EXOC2: variants seen among roughly 807,000 people sequenced by gnomAD.
The protein encoded by EXOC2 is exocyst complex component 2.
A neutral mutation model predicts 131.8 loss-of-function variants in EXOC2; 70 were observed. That is an observed-to-expected ratio of 0.53 (90% CI 0.44 to 0.65). The LOEUF (loss-of-function observed/expected upper bound fraction) is 0.65, where lower values mean the gene tolerates loss of function less well. EXOC2 is among the 30% of genes least tolerant of loss of function. The pLI, the probability that EXOC2 is intolerant of heterozygous loss-of-function variation, is 0.00. For missense variants in EXOC2, 923 were observed against 1,108.6 expected (o/e 0.83, Z 2.38); for synonymous variants, 411 against 398.4 (o/e 1.03, Z -0.38).
intron 11 of EXOC2, among the ~76,000 whole-genome samples, chr6:578,317 G>A (rs140835172): frequency 1.3e-4 from 20 of 152,206 alleles, no homozygotes; most frequent in African/African-American, 4.6e-4. Flanking sequence ...GCTCCCTCCC[G>A]CATGTGAGGA....
intron 15 of EXOC2, 74 bp downstream of exon 15, chr6:564,471 G>T: frequency 1.3e-6 from 2 of 1,561,670 alleles, no homozygotes; most frequent in South Asian, 1.1e-5. Context: ...CTTCTTCACT[G>T]AATGTATTAA....
At chr6:674,467 G>A (rs1764018071) in intron 1 of EXOC2, among the ~76,000 whole-genome samples, 2 of 152,170 alleles carry the variant, frequency 1.3e-5, no homozygotes, top group South Asian at 4.1e-4. Context: ...ACTTCTCAAA[G>A]CCTTGCAGTA....
At chr6:539,416 C>A (rs1283310419) in intron 22 of EXOC2, among the ~76,000 whole-genome samples, 1 of 152,188 alleles carries the variant, frequency 6.6e-6, no homozygotes, top group Admixed American at 6.5e-5. Flanking sequence ...CCAGCCAGTG[C>A]TCCCAATAAG....
chr6:666,505 C>T lies in EXOC2; in HGVS notation c.-44+26514G>A, dbSNP rs1763650608. 2.1e-5 allele frequency among the ~76,000 whole-genome samples: 2 copies of T among 96,950 alleles called. 1 individual carries two copies. Among genetic ancestry groups the T allele is most frequent in the South Asian group, 6.6e-4 (2 of 3,030 alleles). 63.6% of individuals were successfully genotyped at this position (96,950 alleles called of 152,430 possible). A position where few individuals can be genotyped will look rare whatever the true frequency, so the allele number is the denominator to read the frequency against. ...TTATTTAGAATTGGGAAACTTGGTG[C>T]TTTACTGTTTTGTTTTGGCACTTTA... On this transcript the variant is annotated intron_variant, in intron 1 of 27. Coordinates refer to ENST00000230449, the MANE Select transcript of EXOC2 (RefSeq NM_018303.6).
At chr6:568,606 G>A (rs937480209) in intron 13 of EXOC2, among the ~76,000 whole-genome samples, 8 of 152,106 alleles carry the variant, frequency 5.3e-5, no homozygotes, top group South Asian at 2.1e-4. Context: ...ACCCTGATTC[G>A]TGGACGCTTG....
intron 1 of EXOC2, among the ~76,000 whole-genome samples, chr6:647,456 C>T (rs1345352831): frequency 6.7e-6 from 1 of 149,926 alleles, no homozygotes; most frequent in African/African-American, 2.5e-5. Flanking sequence ...CACCTGAAGA[C>T]ACTGTAACCT....
intron 17 of EXOC2, among the ~76,000 whole-genome samples, chr6:560,693 C>T (rs193066369): frequency 1.3e-5 from 2 of 151,496 alleles, no homozygotes; most frequent in African/African-American, 4.9e-5. Context: ...GAAACCCAAT[C>T]GATTAAAATT....
intron 7 of EXOC2, among the ~76,000 whole-genome samples, chr6:603,653 C>A (rs1760233506): frequency 6.6e-6 from 1 of 152,034 alleles, no homozygotes; most frequent in Non-Finnish European, 1.5e-5. Context: ...ATTTGCCAGC[C>A]AGCCACTGAG....
At chr6:679,109 C>G (rs1035553444) in intron 1 of EXOC2, 1 of 151,990 alleles carries the variant, frequency 6.6e-6, no homozygotes, top group South Asian at 2.1e-4. Flanking sequence ...CAACGGTGAA[C>G]ACACTAAGTT....
intron 22 of EXOC2, among the ~76,000 whole-genome samples, chr6:539,072 G>GA (rs11351666): frequency 3.5e-5 from 5 of 142,238 alleles, no homozygotes; most frequent in African/African-American, 5.2e-5. Flanking sequence ...TCTGTCTGAA[G>GA]AAAAAAAAAA....
intron 17 of EXOC2, among the ~76,000 whole-genome samples, chr6:561,270 C>T (rs998908734): frequency 4.6e-5 from 7 of 152,134 alleles, no homozygotes; most frequent in Non-Finnish European, 1.0e-4. Flanking sequence ...GTCTGCCCTT[C>T]ATGCCCCAGG....
chr6:545,076 A>G (rs952791957), intron 22 of EXOC2, among the ~76,000 whole-genome samples: 9 of 146,814 alleles, frequency 6.1e-5, no homozygotes, highest in African/African-American at 1.3e-4. Flanking sequence ...GAACCCGGGA[A>G]GCGGAGCTTG....
chr6:599,590 G>A (rs1458755432), intron 7 of EXOC2, among the ~76,000 whole-genome samples: 3 of 152,168 alleles, frequency 2.0e-5, no homozygotes, highest in South Asian at 4.1e-4. Context: ...ACGCATGTAT[G>A]TGCATACACG....
chr6:582,356 G>A (rs926976418), intron 11 of EXOC2, among the ~76,000 whole-genome samples: 1 of 152,098 alleles, frequency 6.6e-6, no homozygotes, highest in African/African-American at 2.4e-5. Flanking sequence ...CATCCTTCAT[G>A]CCTACTACAG....
At chr6:513,927 G>A (rs950312177) in intron 23 of EXOC2, among the ~76,000 whole-genome samples, 14 of 152,162 alleles carry the variant, frequency 9.2e-5, no homozygotes, top group Admixed American at 6.5e-4. Context: ...GCCACAAACT[G>A]AGCTTTTTAT....
intron 1 of EXOC2, among the ~76,000 whole-genome samples, chr6:641,509 A>T (rs1182364623): frequency 6.6e-6 from 1 of 152,190 alleles, no homozygotes; most frequent in Non-Finnish European, 1.5e-5. Flanking sequence ...TCCTGTGGAG[A>T]GGCGGGGCTG....
intron 1 of EXOC2, among the ~76,000 whole-genome samples, chr6:686,797 A>AAAGGT (rs1764675454): frequency 6.6e-6 from 1 of 152,222 alleles, no homozygotes; most frequent in Non-Finnish European, 1.5e-5. Context: ...CTGCAGGTCT[A>AAAGGT]AAGGTGACTG....
At position 486,360 on chromosome 6, in the gene EXOC2, G is replaced by A. The variant is rs1763046250; in HGVS notation, c.*311C>T. 4.0e-6 allele frequency: 1 copy of A among 249,652 alleles called. No individual in the cohort carries two copies. Among genetic ancestry groups the A allele is most frequent in the African/African-American group, 2.2e-5 (1 of 44,562 alleles). The allele number at this position is 249,652 out of a possible 1,614,324, so 15.5% of individuals were successfully genotyped here. A position where few individuals can be genotyped will look rare whatever the true frequency, so the allele number is the denominator to read the frequency against. On this transcript the variant is annotated 3_prime_UTR_variant, in exon 28 of 28. Coordinates refer to ENST00000230449, the MANE Select transcript of EXOC2 (RefSeq NM_018303.6). Reference sequence around the variant, plus strand: ...CTTCAATATGTGCCACGCCATTCCAGAAAACTCCCTGCAGAAGCAGCTCTT... The same window carrying A: ...CTTCAATATGTGCCACGCCATTCCAAAAAACTCCCTGCAGAAGCAGCTCTT...
At chr6:606,913 T>C (rs1011647094) in intron 7 of EXOC2, among the ~76,000 whole-genome samples, 2 of 152,218 alleles carry the variant, frequency 1.3e-5, no homozygotes, top group Admixed American at 1.3e-4. Context: ...TTCCCGATCA[T>C]CCATTTTTGT....
Sources: gnomAD v4.1 joint callset for allele counts (sites outside exome capture counted in the v4.1 genomes callset) on GRCh38, gnomAD v4.1.1 for gene constraint, MANE v1.5 for transcripts, NCBI Gene and HGNC (gene_info 2026-07-23, HGNC 2026-07-21) for gene names.